The following NOL4 variants were observed in gnomAD, a reference collection of about 807,000 sequenced individuals.
NOL4 encodes the protein nucleolar protein 4.
In NOL4, 17 loss-of-function variants were observed where a neutral mutation model predicts 75.9. The ratio of observed to expected loss-of-function variants is 0.22; its 90% CI spans 0.15 to 0.34. NOL4 has a LOEUF of 0.34. Ranked by LOEUF, NOL4 falls within the 10% of genes least tolerant of loss-of-function variation. NOL4 has a pLI of 1.00. For synonymous variants in NOL4, 292 were observed against 289.9 expected, an observed-to-expected ratio of 1.01 and a Z score of -0.07; for missense variants, 614 against 793.5, an observed-to-expected ratio of 0.77 and a Z score of 2.72.
At chr18:33,880,302 GGTCT>G (rs1157143504) in intron 10 of NOL4, among the ~76,000 whole-genome samples, 11 of 112,218 alleles carry the variant, frequency 9.8e-5, no homozygotes, top group African/African-American at 2.9e-4. Context: ...ATGCAAAAGG[GGTCT>G]GTGTGTGTGT....
chr18:33,999,499 C>G (rs1056967959), intron 6 of NOL4, among the ~76,000 whole-genome samples: 2 of 151,692 alleles, frequency 1.3e-5, no homozygotes, highest in African/African-American at 4.8e-5. Flanking sequence ...TTTTATAGGT[C>G]AATGTTTATT....
intron 9 of NOL4, among the ~76,000 whole-genome samples, chr18:33,936,429 A>C (rs1385680914): frequency 2.2e-5 from 3 of 138,412 alleles, no homozygotes; most frequent in Non-Finnish European, 3.1e-5. Flanking sequence ...TTTTTTTGGT[A>C]ACTTAGTGAT....
intron 2 of NOL4, 38 bp from the exon 3 acceptor site, chr18:34,105,198 G>T (rs745468039): frequency 8.0e-7 from 1 of 1,252,494 alleles, no homozygotes; most frequent in Non-Finnish European, 1.2e-6. Context: ...TATTATATAA[G>T]CTCACTGAGC....
intron 1 of NOL4, among the ~76,000 whole-genome samples, chr18:34,199,420 G>T (rs1194870397): frequency 6.6e-6 from 1 of 151,716 alleles, no homozygotes; most frequent in Admixed American, 6.6e-5. Context: ...GCTTTAAAGG[G>T]TAACATAAGC....
At chr18:34,192,810 T>G (rs966318146) in intron 1 of NOL4, among the ~76,000 whole-genome samples, 4 of 152,164 alleles carry the variant, frequency 2.6e-5, no homozygotes, top group African/African-American at 9.6e-5. Context: ...TGTGCCCTCA[T>G]GAGTGGATTA....
At chr18:34,002,290 C>T (rs2073770185) in intron 6 of NOL4, among the ~76,000 whole-genome samples, 1 of 152,046 alleles carries the variant, frequency 6.6e-6, no homozygotes, top group African/African-American at 2.4e-5. Flanking sequence ...CAAGCTCTTG[C>T]TGCACTGATG....
chr18:33,903,615 G>A (rs2065867036), intron 9 of NOL4, among the ~76,000 whole-genome samples: 1 of 152,072 alleles, frequency 6.6e-6, no homozygotes, highest in Admixed American at 6.6e-5. Context: ...ATGAGACACA[G>A]GGATAGGCCA....
intron 6 of NOL4, among the ~76,000 whole-genome samples, chr18:33,960,513 C>G (rs2070024444): frequency 6.6e-6 from 1 of 152,108 alleles, no homozygotes; most frequent in Admixed American, 6.6e-5. Context: ...ATCTCAAAGT[C>G]AATCATTTCT....
chr18:33,986,720 A>T (rs1050913117), intron 6 of NOL4, among the ~76,000 whole-genome samples: 2 of 152,142 alleles, frequency 1.3e-5, no homozygotes, highest in African/African-American at 2.4e-5. Context: ...GGGCATTTTT[A>T]AAAAATGTAA....
chr18:34,098,033 T>G (rs1339526674), intron 4 of NOL4, among the ~76,000 whole-genome samples: 1 of 152,018 alleles, frequency 6.6e-6, no homozygotes, highest in Non-Finnish European at 1.5e-5. Flanking sequence ...TTTATTTTGG[T>G]TAATAAAGGA....
At chr18:33,917,310 C>G (rs1023651006) in intron 9 of NOL4, among the ~76,000 whole-genome samples, 16 of 152,026 alleles carry the variant, frequency 1.1e-4, no homozygotes, top group African/African-American at 3.4e-4. Context: ...GTACTACCCC[C>G]TCCTTTTATC....
intron 9 of NOL4, among the ~76,000 whole-genome samples, chr18:33,897,607 C>G (rs1354955068): frequency 6.6e-6 from 1 of 151,946 alleles, no homozygotes; most frequent in Non-Finnish European, 1.5e-5. Context: ...CTGGGTTCTA[C>G]TTGAGGAAGG....
intron 1 of NOL4, among the ~76,000 whole-genome samples, chr18:34,201,432 C>A (rs1352930091): frequency 6.6e-6 from 1 of 151,754 alleles, no homozygotes; most frequent in Non-Finnish European, 1.5e-5. Context: ...ATGTTCTTAA[C>A]CGCTACTCTT....
intron 9 of NOL4, among the ~76,000 whole-genome samples, chr18:33,936,772 C>T (rs2068087587): frequency 6.6e-6 from 1 of 152,058 alleles, no homozygotes; most frequent in Non-Finnish European, 1.5e-5. Flanking sequence ...CTCACATTCT[C>T]CAGAAACTTT....
chr18:33,973,932 A>G (rs2071280096), intron 6 of NOL4, among the ~76,000 whole-genome samples: 2 of 152,302 alleles, frequency 1.3e-5, no homozygotes, highest in Non-Finnish European at 2.9e-5. Flanking sequence ...TTCCACTTAA[A>G]GCCGCCAGCT....
intron 5 of NOL4, among the ~76,000 whole-genome samples, chr18:34,042,564 A>T (rs947003483): frequency 1.3e-5 from 2 of 152,052 alleles, no homozygotes; most frequent in South Asian, 2.1e-4. Context: ...CCAATCAAAG[A>T]AGGAAGAAAG....
chr18:33,899,650 G>C (rs2065630739), intron 9 of NOL4, among the ~76,000 whole-genome samples: 1 of 152,130 alleles, frequency 6.6e-6, no homozygotes, highest in Admixed American at 6.6e-5. Flanking sequence ...ATCTCTATGA[G>C]TGAATGGACT....
chr18:34,151,154 C>G (rs993945664), intron 1 of NOL4, among the ~76,000 whole-genome samples: 2 of 151,812 alleles, frequency 1.3e-5, no homozygotes, highest in African/African-American at 4.8e-5. Flanking sequence ...AAGTTTGGCA[C>G]TTTCTGATAA....
At chr18:33,939,804 C>T (rs957792174) in intron 9 of NOL4, among the ~76,000 whole-genome samples, 1 of 152,042 alleles carries the variant, frequency 6.6e-6, no homozygotes, top group Non-Finnish European at 1.5e-5. Context: ...ACTTCCAATA[C>T]TGTGTTGAAT....
Sources: allele counts gnomAD v4.1 joint callset (sites outside exome capture counted in the v4.1 genomes callset), GRCh38; gene constraint gnomAD v4.1.1; transcripts MANE v1.5; gene names NCBI Gene and HGNC (gene_info 2026-07-23, HGNC 2026-07-21).